Variants in GALK2 observed in about 807,000 individuals in gnomAD.
GALK2 encodes galactokinase 2, also known as N-acetylgalactosamine kinase.
GALK2 carries 36 observed loss-of-function variants against 52.4 expected under a neutral mutation model. That is an observed-to-expected ratio of 0.69 (90% confidence interval 0.53 to 0.91). The LOEUF is 0.91. GALK2 is among the 40% of genes least tolerant of loss of function. The pLI, the probability that GALK2 is intolerant of heterozygous loss-of-function variation, is 0.00. For synonymous variants in GALK2, 176 were observed against 199.1 expected, an observed-to-expected ratio of 0.88 and a Z score of 0.98; for missense variants, 579 against 559.1, an observed-to-expected ratio of 1.04 and a Z score of -0.36.
At chr15:49,289,585 G>A (rs1011737471) in intron 7 of GALK2, among the ~76,000 whole-genome samples, 3 of 152,194 alleles carry the variant, frequency 2.0e-5, no homozygotes, top group African/African-American at 2.4e-5. Flanking sequence ...GTAACTGGGA[G>A]TTATTGGGTA....
intron 9 of GALK2, among the ~76,000 whole-genome samples, chr15:49,320,407 T>C (rs1361371241): frequency 6.6e-6 from 1 of 152,198 alleles, no homozygotes; most frequent in African/African-American, 2.4e-5. Context: ...AGGACAACTC[T>C]TTCACAAAGC....
At chr15:49,341,867 G>T (rs912600538) in intron 3 of GALK2, among the ~76,000 whole-genome samples, 1 of 152,036 alleles carries the variant, frequency 6.6e-6, no homozygotes, top group Non-Finnish European at 1.5e-5. Context: ...AATCTTTTTG[G>T]TATTGATACC....
In GALK2 at chr15:49,350,525, T is replaced by C. The variant is rs1367150111; in HGVS notation, c.427-16966T>C. On this transcript the variant is annotated intron_variant, in intron 3 of 3. Transcript: ENST00000558399. ...TTACTGGGAGATGCTACCAAGGTTA[T>C]AAGAATAGTGGGGGAAAGCAAATAG... Among the ~76,000 whole-genome samples the C allele has an allele frequency of 5.3e-5, 8 of 152,306 alleles. No homozygotes were observed. In the South Asian group the frequency reaches 8.3e-4, roughly 16 times the overall value.
chr15:49,299,751 C>CTTTCTTTCTTTCTTTTTTTTT, intron 8 of GALK2, among the ~76,000 whole-genome samples: 1 of 127,322 alleles, frequency 7.9e-6, no homozygotes, highest in African/African-American at 3.1e-5. Context: ...TTCTTTCTTT[C>CTTTCTTTCTTTCTTTTTTTTT]TTTCTTTCTT....
At chr15:49,280,551 C>T (rs1407368177) in intron 5 of GALK2, among the ~76,000 whole-genome samples, 3 of 152,082 alleles carry the variant, frequency 2.0e-5, no homozygotes, top group African/African-American at 7.2e-5. Flanking sequence ...CATTAAAGAC[C>T]TTGTGTACCA....
At chr15:49,223,749 C>G (rs2089965444) in intron 3 of GALK2, among the ~76,000 whole-genome samples, 1 of 152,142 alleles carries the variant, frequency 6.6e-6, no homozygotes, top group Admixed American at 6.5e-5. Flanking sequence ...ATAGTATTCC[C>G]TGGTGTATGT....
At chr15:49,201,405 T>A (rs1444171074) in intron 2 of GALK2, among the ~76,000 whole-genome samples, 155 bp downstream of exon 2, 1 of 152,228 alleles carries the variant, frequency 6.6e-6, no homozygotes, top group Non-Finnish European at 1.5e-5. Flanking sequence ...GAACACACTT[T>A]ACTTTTATCT....
chr15:49,339,501 G>A (rs1444791498), intron 3 of GALK2, among the ~76,000 whole-genome samples: 5 of 152,136 alleles, frequency 3.3e-5, no homozygotes, highest in Admixed American at 6.5e-5. Flanking sequence ...TGGAAGCTTC[G>A]TCCCAGAGGG....
At chr15:49,269,393 C>G (rs1567001403) in intron 5 of GALK2, among the ~76,000 whole-genome samples, 1 of 152,058 alleles carries the variant, frequency 6.6e-6, no homozygotes, top group Non-Finnish European at 1.5e-5. Context: ...CAGCATAGGC[C>G]TCATAAACAT....
upstream of GALK2, chr15:49,170,085 C>G (rs2084960074): frequency 1.2e-6 from 1 of 836,210 alleles, no homozygotes; most frequent in East Asian, 3.1e-5. Context: ...GAGCTAAGAG[C>G]AGGACGGAGG....
intron 2 of GALK2, among the ~76,000 whole-genome samples, chr15:49,202,526 C>T (rs905422965): frequency 6.6e-6 from 1 of 152,188 alleles, no homozygotes; most frequent in Non-Finnish European, 1.5e-5. Flanking sequence ...CTGTGAATAA[C>T]AGGATTTCAC....
intron 3 of GALK2, among the ~76,000 whole-genome samples, chr15:49,232,472 A>G (rs779975975): frequency 9.2e-5 from 14 of 152,228 alleles, no homozygotes; most frequent in Non-Finnish European, 1.6e-4. Flanking sequence ...TGTCTTGGCC[A>G]TCAGCATTTG....
At chr15:49,269,382 T>C (rs1198463950) in intron 5 of GALK2, among the ~76,000 whole-genome samples, 1 of 152,172 alleles carries the variant, frequency 6.6e-6, no homozygotes, top group Non-Finnish European at 1.5e-5. Context: ...TAGTCTCAAC[T>C]CAGCATAGGC....
chr15:49,264,600 G>T lies in GALK2; in HGVS notation c.505-17387G>T, dbSNP rs578084557. 1.1e-3 allele frequency among the ~76,000 whole-genome samples: 167 copies of T among 152,296 alleles called. 1 individual carries two copies. The highest frequency in any genetic ancestry group is 3.9e-3 in the African/African-American group (164 of 41,550). On this transcript the variant is annotated intron_variant, in intron 5 of 9. Transcript: ENST00000560031. ...TCAAAGTCATTCTCCATCCAGCTTT[G>T]TTCCATTGCTGGTGAGGAACTGCGT... is the stretch of plus-strand genomic sequence containing the variant.
intron 1 of GALK2, among the ~76,000 whole-genome samples, chr15:49,189,566 A>G (rs2086584958): frequency 6.6e-6 from 1 of 150,462 alleles, no homozygotes; most frequent in African/African-American, 2.5e-5. Context: ...AACTAGAAAT[A>G]AAATAGAACA....
chr15:49,177,093 T>C (rs961514631), intron 1 of GALK2, among the ~76,000 whole-genome samples: 3 of 151,924 alleles, frequency 2.0e-5, no homozygotes, highest in African/African-American at 7.3e-5. Flanking sequence ...TTATTTCTAG[T>C]ATTGATTATG....
At position 49,328,795 on chromosome 15, in the gene GALK2, A is replaced by G. The variant is rs1361534844; in HGVS notation, c.*636A>G. Reference sequence around the variant, plus strand: ...AAGGATTTTTTTTTTTTTTTGACAAAAGGAGGATACAGGAAGAAAATTCAG... The same window carrying G: ...AAGGATTTTTTTTTTTTTTTGACAAGAGGAGGATACAGGAAGAAAATTCAG... On this transcript the variant is annotated 3_prime_UTR_variant, in exon 10 of 10. Coordinates refer to ENST00000560031, the MANE Select transcript of GALK2 (RefSeq NM_002044.4). The G allele has an allele frequency of 4.9e-6, 7 of 1,429,240 alleles. No individual in the cohort carries two copies. In the African/African-American group the frequency reaches 5.7e-5, roughly 12 times the overall value. 88.5% of individuals were successfully genotyped at this position (1,429,240 alleles called of 1,614,324 possible). A position where few individuals can be genotyped will look rare whatever the true frequency, so the allele number is the denominator to read the frequency against.
At chr15:49,351,611 C>T (rs898209876) in intron 3 of GALK2, among the ~76,000 whole-genome samples, 2 of 152,160 alleles carry the variant, frequency 1.3e-5, no homozygotes, top group Non-Finnish European at 2.9e-5. Context: ...TTCCGGAAAG[C>T]GGACCTAAAG....
At chr15:49,234,100 T>C (rs2090656616) in intron 3 of GALK2, among the ~76,000 whole-genome samples, 1 of 152,230 alleles carries the variant, frequency 6.6e-6, no homozygotes, top group African/African-American at 2.4e-5. Flanking sequence ...TAGTCAGTTA[T>C]ATTAGAGCAC....
Sources: allele counts gnomAD v4.1 joint callset (sites outside exome capture counted in the v4.1 genomes callset), GRCh38; gene constraint gnomAD v4.1.1; transcripts MANE v1.5; gene names NCBI Gene and HGNC (gene_info 2026-07-23, HGNC 2026-07-21).